ODF2: variants seen among roughly 807,000 people sequenced by gnomAD.
The protein encoded by ODF2 is outer dense fiber protein 2.
In ODF2, 47 loss-of-function variants were observed where a neutral mutation model predicts 110.2. The observed-to-expected ratio is 0.43, with a 90% CI of 0.34 to 0.54. ODF2 has a LOEUF of 0.54. Ranked by LOEUF, ODF2 falls within the 20% of genes least tolerant of loss-of-function variation. ODF2 has a pLI of 0.03. For missense variants in ODF2, 812 were observed against 1,054.5 expected (o/e 0.77, Z 3.19); for synonymous variants, 352 against 397.7 (o/e 0.89, Z 1.37).
chr9:128,488,978 G>A (rs1269614704), intron 14 of ODF2, among the ~76,000 whole-genome samples: 2 of 152,212 alleles, frequency 1.3e-5, no homozygotes, highest in African/African-American at 2.4e-5. Context: ...CTGCACTCCA[G>A]CCTGGGCAAC....
chr9:128,471,790 G>A (rs1170126722), intron 6 of ODF2, among the ~76,000 whole-genome samples: 1 of 152,078 alleles, frequency 6.6e-6, no homozygotes, highest in Non-Finnish European at 1.5e-5. Flanking sequence ...AAGAAAGCAC[G>A]CTACTCAGTG....
intron 8 of ODF2, among the ~76,000 whole-genome samples, chr9:128,476,142 C>T (rs760954299): frequency 2.6e-5 from 4 of 152,122 alleles, no homozygotes; most frequent in East Asian, 1.9e-4. Flanking sequence ...AGGTTGATTC[C>T]GTATCTTGGC....
chr9:128,500,689 CT>C (rs546412200), downstream of ODF2: 248 of 146,496 alleles, frequency 1.7e-3, no homozygotes, highest in Middle Eastern at 3.6e-3. Flanking sequence ...CCATCACTTG[CT>C]TTTTTTTTTT....
At position 128,500,352 on chromosome 9, in the gene ODF2, G is replaced by GA. The variant is rs1846332751; in HGVS notation, c.*103dup. ...AGCCTGGTGGTTTTCCTCTCCCAGT[G>GA]AAAAAATGGGTTCAGGGTCTTGTCC... is the stretch of plus-strand genomic sequence containing the variant. On this transcript the variant is annotated 3_prime_UTR_variant, in exon 21 of 21. Coordinates refer to ENST00000604420, the Ensembl canonical transcript of ODF2. 4.1e-6 allele frequency: 5 copies of GA among 1,224,840 alleles called. No individual in the cohort carries two copies. In the South Asian group the frequency reaches 5.4e-5, roughly 13 times the overall value. The allele number at this position is 1,224,840 out of a possible 1,614,324, so 75.9% of individuals were successfully genotyped here.
chr9:128,469,083 C>G (rs1839054901), intron 4 of ODF2, 100 bp from the exon 5 acceptor site: 2 of 1,176,980 alleles, frequency 1.7e-6, no homozygotes, highest in Non-Finnish European at 2.4e-6. Flanking sequence ...TTAGCTGTTA[C>G]AGCTTTTCCC....
chr9:128,455,337 G>A, upstream of ODF2: 1 of 889,162 alleles, frequency 1.1e-6, no homozygotes, highest in African/African-American at 1.7e-5. Context: ...GGATCATGAG[G>A]TCAGGAGATG....
At chr9:128,477,775 T>G (rs1014106945) in intron 8 of ODF2, among the ~76,000 whole-genome samples, 1 of 151,558 alleles carries the variant, frequency 6.6e-6, no homozygotes, top group African/African-American at 2.4e-5. Flanking sequence ...ATTTTTGTAT[T>G]TTTAGTTGAG....
chr9:128,458,486 A>G (rs1455684283), intron 2 of ODF2, among the ~76,000 whole-genome samples: 1 of 147,822 alleles, frequency 6.8e-6, no homozygotes. Flanking sequence ...AAAAAAGGCC[A>G]GGAGATGGAT....
At chr9:128,461,355 C>CT (rs1188803295) in intron 4 of ODF2, 2 of 403,136 alleles carry the variant, frequency 5.0e-6, no homozygotes, top group Non-Finnish European at 4.6e-6. Context: ...AAGATTCATT[C>CT]TAGAGGCAGT....
intron 14 of ODF2, among the ~76,000 whole-genome samples, chr9:128,491,483 C>T (rs1034916290): frequency 2.0e-5 from 3 of 151,866 alleles, no homozygotes; most frequent in African/African-American, 7.2e-5. Flanking sequence ...CATGGTAAAA[C>T]CCCATCTCTA....
chr9:128,473,803 T>C, intron 8 of ODF2, 62 bp downstream of exon 8: 1 of 1,484,136 alleles, frequency 6.7e-7, no homozygotes, highest in Non-Finnish European at 9.3e-7. Context: ...TGAGCCTTTC[T>C]CCTTGTCTGT....
rs144208462 is a variant in ODF2 at position 128,481,223 on chromosome 9, C to A, written c.844-357C>A. Among the ~76,000 whole-genome samples, 892 of 152,278 alleles carry A rather than the reference C, an allele frequency of 5.9e-3. 5 individuals carry two copies. The highest frequency in any genetic ancestry group is 0.01 in the Middle Eastern group (3 of 294). On this transcript the variant is annotated intron_variant, in intron 8 of 20. Transcript: ENST00000604420. ...TGGTGGCTCACACCTGTAATCCCAG[C>A]ACTTGGGGAGGCCAAAGCAGGCAGA...
intron 6 of ODF2, among the ~76,000 whole-genome samples, chr9:128,471,912 GC>G (rs1840082168): frequency 6.6e-6 from 1 of 152,184 alleles, no homozygotes; most frequent in South Asian, 2.1e-4. Flanking sequence ...TTGGCAGGGG[GC>G]TGGCTCTCAG....
exon 14 of ODF2, chr9:128,487,976 G>A (rs1196089985): frequency 5.6e-6 from 9 of 1,613,998 alleles, no homozygotes; most frequent in East Asian, 2.2e-5. Context: ...AGACTACACC[G>A]TCAGACTGCT....
rs142128886 is a variant in ODF2 at position 128,460,598 on chromosome 9, G to A, written c.124-344G>A. The A allele has an allele frequency of 6.7e-5, 108 of 1,613,824 alleles. No individual in the cohort carries two copies. The Admixed American group carries it at 1.1e-3, about 16-fold the overall frequency. Reference sequence around the variant, plus strand: ...TTCAACTCCCCCCTTACATGTTCACGTGGATGAGAACACCCCTGTCCACGT... The same window carrying A: ...TTCAACTCCCCCCTTACATGTTCACATGGATGAGAACACCCCTGTCCACGT... On this transcript the variant is annotated intron_variant, in intron 3 of 20. Coordinates refer to ENST00000604420, the Ensembl canonical transcript of ODF2.
intron 17 of ODF2, among the ~76,000 whole-genome samples, chr9:128,495,579 C>G (rs529285109): frequency 3.9e-5 from 6 of 152,356 alleles, no homozygotes; most frequent in Admixed American, 3.9e-4. Context: ...GGTAAATTCT[C>G]AAACTTGCCA....
intron 7 of ODF2, 37 bp from the exon 8 acceptor site, chr9:128,473,573 C>A (rs199897235): frequency 1.2e-6 from 2 of 1,610,110 alleles, no homozygotes; most frequent in South Asian, 2.2e-5. Context: ...CTTCCCTTCT[C>A]CCCCTGCATC....
intron 7 of ODF2, 111 bp downstream of exon 7, chr9:128,473,153 G>T: frequency 6.6e-7 from 1 of 1,523,722 alleles, no homozygotes; most frequent in Non-Finnish European, 8.8e-7. Flanking sequence ...ACATCTTCAG[G>T]CTGGGGGAGA....
intron 14 of ODF2, among the ~76,000 whole-genome samples, chr9:128,488,648 C>G (rs973137017): frequency 6.6e-6 from 1 of 152,170 alleles, no homozygotes; most frequent in Non-Finnish European, 1.5e-5. Context: ...CTGCTGGGCC[C>G]CTTCACAGGC....
Sources: allele counts gnomAD v4.1 joint callset (sites outside exome capture counted in the v4.1 genomes callset), GRCh38; gene constraint gnomAD v4.1.1; transcripts MANE v1.5; gene names NCBI Gene and HGNC (gene_info 2026-07-23, HGNC 2026-07-21).